The following ADAM29 variants were observed in gnomAD, a reference collection of about 807,000 sequenced individuals.
ADAM29 encodes disintegrin and metalloproteinase domain-containing protein 29.
For missense variants in ADAM29, 969 were observed against 1,001.8 expected, an observed-to-expected ratio of 0.97 and a Z score of 0.44; for synonymous variants, 367 against 342.3, an observed-to-expected ratio of 1.07 and a Z score of -0.80.
At position 174,976,446 on chromosome 4, in the gene ADAM29, T is replaced by C. The variant is rs1746803670; in HGVS notation, c.921T>C (p.Cys307=). ...LSGIGAFRGM[C]TPHRSCAIVT... Reference sequence around the variant, plus strand: ...GCATAGGAGCTTTTAGAGGAATGTGTACACCACACCGTAGTTGTGCAATTG... The same window carrying C: ...GCATAGGAGCTTTTAGAGGAATGTGCACACCACACCGTAGTTGTGCAATTG... Residue 307 remains cysteine (C), a synonymous_variant, in exon 5 of 5, where the codon TGT becomes TGC. Coordinates refer to ENST00000359240, the MANE Select transcript of ADAM29 (RefSeq NM_014269.4). The C allele has an allele frequency of 1.2e-6, 2 of 1,606,938 alleles. No individual in the cohort carries two copies. The highest frequency in any genetic ancestry group is 1.3e-5 in the African/African-American group (1 of 74,766).
intron 2 of ADAM29, among the ~76,000 whole-genome samples, chr4:174,922,070 A>G (rs189499750): frequency 1.6e-3 from 250 of 152,306 alleles, no homozygotes; most frequent in African/African-American, 5.7e-3. Flanking sequence ...GTTTGATGGA[A>G]GTGAATATAA....
chr4:174,954,604 C>T (rs140756364), intron 4 of ADAM29, among the ~76,000 whole-genome samples: 77 of 152,176 alleles, frequency 5.1e-4, no homozygotes, highest in African/African-American at 1.8e-3. Flanking sequence ...TTCATGTTCC[C>T]TTTATTTTAT....
chr4:174,962,373 G>A (rs915132437), intron 4 of ADAM29, among the ~76,000 whole-genome samples: 1 of 151,900 alleles, frequency 6.6e-6, no homozygotes, highest in Non-Finnish European at 1.5e-5. Flanking sequence ...TTAGCTGGGC[G>A]TGGTGGGGGG....
At chr4:174,937,825 A>G (rs1744288181) in intron 4 of ADAM29, among the ~76,000 whole-genome samples, 1 of 152,096 alleles carries the variant, frequency 6.6e-6, no homozygotes, top group Admixed American at 6.6e-5. Flanking sequence ...GCAATTAATT[A>G]GTGCCTGCCA....
intron 4 of ADAM29, among the ~76,000 whole-genome samples, chr4:174,946,960 G>A (rs565933953): frequency 2.0e-5 from 3 of 152,128 alleles, no homozygotes; most frequent in African/African-American, 7.2e-5. Context: ...TTTCTTCCTG[G>A]TTCAGTCTTG....
In ADAM29 at chr4:174,957,058, A is replaced by G. The variant is rs141915760; in HGVS notation, c.-180-18288A>G. Among the ~76,000 whole-genome samples the G allele has an allele frequency of 5.0e-3, 760 of 152,032 alleles. 8 individuals are homozygous for G. Among genetic ancestry groups the G allele is most frequent in the African/African-American group, 0.017 (690 of 41,536 alleles). On this transcript the variant is annotated intron_variant, in intron 4 of 4. Transcript: ENST00000359240. ...CTTAAGCCATTTTCTTTTATAAATC[A>G]ATAACAATGAAACACACAGGCAACA... is the stretch of plus-strand genomic sequence containing the variant.
chr4:174,946,697 C>T lies in ADAM29; in HGVS notation c.-181+9684C>T, dbSNP rs542656754. On this transcript the variant is annotated intron_variant, in intron 4 of 4. Transcript: ENST00000359240. Reference sequence around the variant, plus strand: ...ATCTATGTTCATCAAGGATATTGGCCTGAAGTTTTCTTTTTTTGTGGTATA... The same window carrying T: ...ATCTATGTTCATCAAGGATATTGGCTTGAAGTTTTCTTTTTTTGTGGTATA... Among the ~76,000 whole-genome samples, 419 of 152,150 alleles carry T rather than the reference C, an allele frequency of 2.8e-3. 2 individuals are homozygous for T. The highest frequency in any genetic ancestry group is 0.01 in the Middle Eastern group (3 of 294).
intron 4 of ADAM29, among the ~76,000 whole-genome samples, chr4:174,959,483 GTT>G (rs1491348970): frequency 1.2e-4 from 17 of 142,484 alleles, no homozygotes; most frequent in African/African-American, 3.7e-4. Context: ...GTGTGTGTGT[GTT>G]TGTGTGTTTG....
rs1482082186 is a variant in ADAM29, at chr4:174,920,783, G to T, written c.-460G>T. The T allele has an allele frequency of 6.6e-6, 1 of 152,058 alleles. No individual in the cohort carries two copies. Among genetic ancestry groups the T allele is most frequent in the African/African-American group, 2.4e-5 (1 of 41,404 alleles). 9.4% of individuals were successfully genotyped at this position (152,058 alleles called of 1,614,324 possible). Reference sequence around the variant, plus strand: ...TTCGAAAAGCTTCAGAGAAAATAAAGATGCTTAATGTAAGTATCTTTGCAG... The same window carrying T: ...TTCGAAAAGCTTCAGAGAAAATAAATATGCTTAATGTAAGTATCTTTGCAG... On this transcript the variant is annotated 5_prime_UTR_variant, in exon 2 of 5. Transcript: ENST00000359240.
intron 2 of ADAM29, among the ~76,000 whole-genome samples, chr4:174,925,327 A>G (rs560241311): frequency 8.0e-4 from 121 of 150,742 alleles, no homozygotes; most frequent in African/African-American, 2.8e-3. Context: ...AATAGGAGAA[A>G]GTGGGTATGG....
In ADAM29 at chr4:174,976,359, G is replaced by A. The variant is rs531043841; in HGVS notation, c.834G>A (p.Thr278=). Residue 278 remains threonine (T), a synonymous_variant, in exon 5 of 5, where the codon ACG becomes ACA. Coordinates refer to ENST00000359240, the MANE Select transcript of ADAM29 (RefSeq NM_014269.4). Reference sequence around the variant, plus strand: ...GCAAGTGGAAGTCGGAGAACATTACGCCCCGGATGCAACATGACACCTCAC... The same window carrying A: ...GCAAGTGGAAGTCGGAGAACATTACACCCCGGATGCAACATGACACCTCAC... The part of the protein sequence containing the change: ...LYCKWKSENI[T]PRMQHDTSHL... 2.1e-5 allele frequency: 34 copies of A among 1,605,814 alleles called. No homozygotes were observed. In the Middle Eastern group the frequency reaches 5.0e-4, roughly 24 times the overall value.
rs751802258 is a variant in ADAM29, at chr4:174,977,472, C to A, written c.1947C>A (p.Asp649Glu). The change falls in exon 5 of 5, where the codon GAC (aspartate) becomes GAA (glutamate). Residue 649 changes from aspartate (D) to glutamate (E), a missense_variant. By Grantham distance (45) the Asp-to-Glu change is conservative (BLOSUM62 2). Transcript: ENST00000359240. ...ACTGCCATTGCAATTATCTGTGGGA[C>A]CCTCCCAACTGCCTGATAAAAGGCT... ...KHHCHCNYLW[D>E]PPNCLIKGYG... 7 of 1,613,968 alleles carry A rather than the reference C, an allele frequency of 4.3e-6. No homozygotes were observed. The highest frequency in any genetic ancestry group is 2.2e-5 in the East Asian group (1 of 44,886).
At chr4:174,933,288 A>G (rs1175162512) in intron 3 of ADAM29, among the ~76,000 whole-genome samples, 1 of 152,120 alleles carries the variant, frequency 6.6e-6, no homozygotes, top group Non-Finnish European at 1.5e-5. Flanking sequence ...AGAAAAGAAA[A>G]TTCTAGAGAG....
chr4:174,958,572 G>A (rs1037066470), intron 4 of ADAM29, among the ~76,000 whole-genome samples: 1 of 151,694 alleles, frequency 6.6e-6, no homozygotes, highest in Non-Finnish European at 1.5e-5. Context: ...GCTGGGGCTT[G>A]TAATTTATCT....
intron 4 of ADAM29, among the ~76,000 whole-genome samples, chr4:174,969,334 T>TA (rs991383651): frequency 4.5e-4 from 68 of 151,522 alleles, no homozygotes; most frequent in Admixed American, 9.2e-4. Flanking sequence ...AAGTAAAAAT[T>TA]AAAAAAAACT....
intron 4 of ADAM29, among the ~76,000 whole-genome samples, chr4:174,960,085 G>A (rs1745721590): frequency 6.6e-6 from 1 of 151,882 alleles, no homozygotes; most frequent in Non-Finnish European, 1.5e-5. Context: ...ATTCATAAAG[G>A]TGTTATGAAG....
intron 4 of ADAM29, among the ~76,000 whole-genome samples, chr4:174,962,428 C>T (rs1443013375): frequency 6.6e-6 from 1 of 150,592 alleles, no homozygotes; most frequent in African/African-American, 2.5e-5. Context: ...AGGAGAATGG[C>T]GTGAACCCGG....
intron 3 of ADAM29, among the ~76,000 whole-genome samples, chr4:174,933,848 G>C (rs1468284979): frequency 6.6e-6 from 1 of 152,148 alleles, no homozygotes; most frequent in East Asian, 1.9e-4. Context: ...TGGTGCACAT[G>C]TACCTCATTT....
At chr4:174,944,132 A>G (rs1463387498) in intron 4 of ADAM29, among the ~76,000 whole-genome samples, 1 of 152,012 alleles carries the variant, frequency 6.6e-6, no homozygotes, top group East Asian at 1.9e-4. Context: ...AAAAAGTAAT[A>G]GCAAAACTTT....
Sources: gnomAD v4.1 joint callset for allele counts (sites outside exome capture counted in the v4.1 genomes callset) on GRCh38, gnomAD v4.1.1 for gene constraint, MANE v1.5 for transcripts, NCBI Gene and HGNC (gene_info 2026-07-23, HGNC 2026-07-21) for gene names.